The following NXF1 variants were observed in gnomAD, a reference collection of about 807,000 sequenced individuals.
NXF1 encodes the protein mRNA export factor TAP.
NXF1 carries 43 observed loss-of-function variants against 92.4 expected under a neutral mutation model. The observed-to-expected ratio is 0.47, with a 90% CI of 0.36 to 0.60. The LOEUF (loss-of-function observed/expected upper bound fraction) is 0.60. Ranked by LOEUF, NXF1 falls within the 20% of genes least tolerant of loss-of-function variation. The pLI, the probability that NXF1 is intolerant of heterozygous loss-of-function variation, is 0.00. For synonymous variants in NXF1, 288 were observed against 292.2 expected (o/e 0.99, Z 0.15); for missense variants, 576 against 793.0 (o/e 0.73, Z 3.29).
rs564792247 is a variant in NXF1, at chr11:62,797,083, A to C, written c.1178+100T>G. On this transcript the variant is annotated intron_variant, in intron 13 of 20. Transcript: ENST00000294172. ...ACACTGTCCAAAAAAAAAAAAAAAA[A>C]CAAAACAAAAAACAAAACAAAAAGA... 703 of 1,060,674 alleles carry C rather than the reference A, an allele frequency of 6.6e-4. 3 individuals are homozygous for C. The African/African-American group carries it at 9.6e-3, about 14-fold the overall frequency. 65.7% of individuals were successfully genotyped at this position (1,060,674 alleles called of 1,614,324 possible). A position where few individuals can be genotyped will look rare whatever the true frequency, so the allele number is the denominator to read the frequency against.
intron 10 of NXF1, chr11:62,798,925 G>A: frequency 1.8e-6 from 2 of 1,095,790 alleles, no homozygotes; most frequent in Non-Finnish European, 2.2e-6. Context: ...TGGGGTGGGA[G>A]CCCAGGGGCT....
At position 62,800,555 on chromosome 11, in the gene NXF1, C is replaced by G. The variant is rs1590953242; in HGVS notation, c.907-69G>C. The G allele has an allele frequency of 1.9e-5, 19 of 1,014,006 alleles. No individual in the cohort carries two copies. The South Asian group carries it at 2.5e-4, about 14-fold the overall frequency. 62.8% of individuals were successfully genotyped at this position (1,014,006 alleles called of 1,614,324 possible). ...ACAGCCAGCTGGCTCCCCATACCCCCAGTCCCTACGCTTAGCTCTGAGATC... is the reference window on the plus strand; with the variant it reads ...ACAGCCAGCTGGCTCCCCATACCCCGAGTCCCTACGCTTAGCTCTGAGATC... On this transcript the variant is annotated intron_variant, in intron 9 of 20. Transcript: ENST00000294172.
At chr11:62,798,285 A>T (rs2084441726) in intron 11 of NXF1, among the ~76,000 whole-genome samples, 1 of 150,008 alleles carries the variant, frequency 6.7e-6, no homozygotes, top group South Asian at 2.1e-4. Flanking sequence ...AAAATTAGCC[A>T]GGTGTGGTAG....
intron 3 of NXF1, among the ~76,000 whole-genome samples, chr11:62,802,473 G>A (rs1209749279): frequency 6.6e-6 from 1 of 152,174 alleles, no homozygotes; most frequent in Non-Finnish European, 1.5e-5. Flanking sequence ...GCCTCACTCT[G>A]TCACTCAGGC....
rs940276396 is a variant in NXF1, at chr11:62,801,197, A to G, written c.803T>C (p.Leu268Ser). The G allele has an allele frequency of 6.2e-7, 1 of 1,614,030 alleles. No homozygotes were observed. The highest frequency in any genetic ancestry group is 8.5e-7 in the Non-Finnish European group (1 of 1,179,986). Residue 268 changes from leucine to serine, a missense_variant, in exon 9 of 21, where the codon TTG (leucine) becomes TCG (serine). Leu to Ser is a moderately radical substitution (Grantham distance 145, BLOSUM62 -2). Transcript: ENST00000294172. ...CCTGTTGTTGCTCAAGTTCAAGGAC[A>G]ATAGCTGTGAGGAGAGAAGAGTTTA... ...RIIEENIPEL[L>S]SLNLSNNRLY...
At position 62,792,470 on chromosome 11, in the gene NXF1, C is replaced by G; in HGVS notation, c.*6G>C. ...AGGGGGGACTGCTTCTGAGGCATGA[C>G]TACGATCACTTCATGAATGCCACTT... is the stretch of plus-strand genomic sequence containing the variant. On this transcript the variant is annotated 3_prime_UTR_variant, in exon 21 of 21. Transcript: ENST00000294172. 2 of 1,614,200 alleles carry G rather than the reference C, an allele frequency of 1.2e-6. No homozygotes were observed. The highest frequency in any genetic ancestry group is 1.7e-6 in the Non-Finnish European group (2 of 1,180,012).
At chr11:62,795,786 G>T in intron 17 of NXF1, 115 bp downstream of exon 17, 1 of 1,006,314 alleles carries the variant, frequency 9.9e-7, no homozygotes, top group Non-Finnish European at 1.5e-6. Flanking sequence ...CAGAATGGGA[G>T]AAGGAGCTCA....
Position 62,803,295 on chromosome 11 carries a change from G to A in NXF1, c.369+124C>T, listed in dbSNP as rs750837220. ...CACGCCACTGTACTCCAGCCTGGGT[G>A]ACAGAGCAAGACTCCATTTAAAAAA... On this transcript the variant is annotated intron_variant, in intron 3 of 20. Coordinates refer to ENST00000294172, the MANE Select transcript of NXF1 (RefSeq NM_006362.5). The A allele has an allele frequency of 1.1e-4, 82 of 777,802 alleles. 1 individual carries two copies. The highest frequency in any genetic ancestry group is 1.5e-4 in the Non-Finnish European group (79 of 516,690). The allele number at this position is 777,802 out of a possible 1,614,324, so 48.2% of individuals were successfully genotyped here. A position where few individuals can be genotyped will look rare whatever the true frequency, so the allele number is the denominator to read the frequency against.
intron 2 of NXF1, 53 bp downstream of exon 2, chr11:62,803,739 G>A: frequency 1.3e-6 from 2 of 1,577,082 alleles, no homozygotes; most frequent in Non-Finnish European, 1.7e-6. Flanking sequence ...CAGTAAAAGG[G>A]CCATATAATC....
chr11:62,801,003 G>C, intron 9 of NXF1, 91 bp downstream of exon 9: 1 of 956,678 alleles, frequency 1.0e-6, no homozygotes, highest in Non-Finnish European at 1.7e-6. Context: ...TCTGGCCTGA[G>C]TTCTCTCTCT....
At chr11:62,803,738 G>C (rs948031743) in intron 2 of NXF1, 54 bp downstream of exon 2, 12 of 1,578,142 alleles carry the variant, frequency 7.6e-6, no homozygotes, top group Non-Finnish European at 1.0e-5. Context: ...ACAGTAAAAG[G>C]GCCATATAAT....
intron 13 of NXF1, among the ~76,000 whole-genome samples, 194 bp from the exon 14 acceptor site, chr11:62,796,761 GTC>G (rs1590950605): frequency 6.6e-6 from 1 of 151,804 alleles, no homozygotes; most frequent in Non-Finnish European, 1.5e-5. Flanking sequence ...GCGAAACCCT[GTC>G]TCTACTAAAA....
chr11:62,792,720 C>T lies in NXF1; in HGVS notation c.1761-19G>A. 6.2e-7 allele frequency: 1 copy of T among 1,613,818 alleles called. No homozygotes were observed. The highest frequency in any genetic ancestry group is 1.1e-5 in the South Asian group (1 of 91,070). The stretch of plus-strand genomic sequence containing the variant: ...AAGGCACCTGGAGTGGAAGAACAGG[C>T]AGCTCTGTAAGAACTCTGACTCGTA... On this transcript the variant is annotated intron_variant, in intron 19 of 20. Coordinates refer to ENST00000294172, the MANE Select transcript of NXF1 (RefSeq NM_006362.5).
rs767278618 is a variant in NXF1, at chr11:62,792,627, T to C, written c.1821+14A>G. 3 of 1,614,178 alleles carry C rather than the reference T, an allele frequency of 1.9e-6. No homozygotes were observed. The highest frequency in any genetic ancestry group is 1.7e-6 in the Non-Finnish European group (2 of 1,180,030). On this transcript the variant is annotated intron_variant, in intron 20 of 20. Transcript: ENST00000294172. ...AGATCCTAGTCTTTTTGCCACTGTA[T>C]TTCCAGACCTTACCTTGAGATGAGT...
chr11:62,794,294 G>C lies in NXF1; in HGVS notation c.1724C>G (p.Ser575Cys), dbSNP rs2134758103. 6.2e-7 allele frequency: 1 copy of C among 1,614,164 alleles called. No individual in the cohort carries two copies. The highest frequency in any genetic ancestry group is 8.5e-7 in the Non-Finnish European group (1 of 1,179,996). The stretch of plus-strand genomic sequence containing the variant: ...CTCGAGGTTCATGCCAGACTGGGTA[G>C]AGAATGCTTGCAACATTTCCTGCTG... ...PEQQEMLQAF[S>C]TQSGMNLEWS... Residue 575 changes from serine (S) to cysteine (C), a missense_variant, in exon 19 of 21, where the codon TCT becomes TGT. Around this residue, in one of 2 missense-constraint regions of NXF1, gnomAD observed 425 missense variants for 635.2 expected, o/e 0.67. Transcript: ENST00000294172.
Position 62,805,402 on chromosome 11 carries a change from CG to C in NXF1, c.-47del. ...CGGGCTCAGGCGCTGGCCGCTACGCCGGCAAACAACCTAACTCCCAAGCGCT... is the reference window on the plus strand; with the variant it reads ...CGGGCTCAGGCGCTGGCCGCTACGCCGCAAACAACCTAACTCCCAAGCGCT... On this transcript the variant is annotated 5_prime_UTR_variant, in exon 1 of 21. Coordinates refer to ENST00000294172, the MANE Select transcript of NXF1 (RefSeq NM_006362.5). 1 of 1,607,600 alleles carries C rather than the reference CG, an allele frequency of 6.2e-7. No homozygotes were observed. The highest frequency in any genetic ancestry group is 8.5e-7 in the Non-Finnish European group (1 of 1,177,282).
rs2084526822 is a variant in NXF1, at chr11:62,805,386, G to A, written c.-30C>T. ...CAGCGAAGATCAAGGGCGGGCTCAG[G>A]CGCTGGCCGCTACGCCGGCAAACAA... On this transcript the variant is annotated 5_prime_UTR_variant, in exon 1 of 21. Coordinates refer to ENST00000294172, the MANE Select transcript of NXF1 (RefSeq NM_006362.5). The A allele has an allele frequency of 1.9e-6, 3 of 1,610,406 alleles. No individual in the cohort carries two copies. Among genetic ancestry groups the A allele is most frequent in the Non-Finnish European group, 1.7e-6 (2 of 1,178,498 alleles).
intron 10 of NXF1, 57 bp downstream of exon 10, chr11:62,800,320 G>C (rs1033641709): frequency 6.2e-7 from 1 of 1,612,468 alleles, no homozygotes. Flanking sequence ...GGATGCATTA[G>C]CTCAGCCTCC....
chr11:62,804,441 C>A (rs2084512778), intron 1 of NXF1, among the ~76,000 whole-genome samples: 1 of 152,190 alleles, frequency 6.6e-6, no homozygotes, highest in Non-Finnish European at 1.5e-5. Flanking sequence ...CCAGAAATGT[C>A]CTTTAACTCA....
Sources: allele counts gnomAD v4.1 joint callset (sites outside exome capture counted in the v4.1 genomes callset), GRCh38; gene constraint gnomAD v4.1.1; regional missense constraint gnomAD v4.1.1; transcripts MANE v1.5; gene names NCBI Gene and HGNC (gene_info 2026-07-23, HGNC 2026-07-21).